Variants in SPINK5 observed in about 807,000 individuals in gnomAD.
SPINK5 encodes serine protease inhibitor Kazal-type 5.
A neutral mutation model predicts 151.8 loss-of-function variants in SPINK5; 125 were observed. The observed-to-expected ratio is 0.82, with a 90% CI of 0.71 to 0.96. The LOEUF (loss-of-function observed/expected upper bound fraction) is 0.96, where lower values mean the gene tolerates loss of function less well. Among genes scored for constraint, SPINK5 ranks in the 40% least tolerant of loss-of-function variants. The pLI, the probability that SPINK5 is intolerant of heterozygous loss-of-function variation, is 0.00. For synonymous variants in SPINK5, 374 were observed against 395.3 expected, an observed-to-expected ratio of 0.95 and a Z score of 0.64; for missense variants, 1,194 against 1,291.9, an observed-to-expected ratio of 0.92 and a Z score of 1.16.
chr5:148,099,878 T>C (rs563472098), intron 12 of SPINK5, among the ~76,000 whole-genome samples: 19 of 152,096 alleles, frequency 1.2e-4, no homozygotes, highest in Non-Finnish European at 2.2e-4. Flanking sequence ...ATAATATTGC[T>C]CTTAAAACCC....
intron 4 of SPINK5, among the ~76,000 whole-genome samples, chr5:148,073,433 G>A (rs1050565867): frequency 6.6e-6 from 1 of 151,848 alleles, no homozygotes; most frequent in African/African-American, 2.4e-5. Context: ...CTCTTTATCT[G>A]TAGCAAAAGA....
rs1706230033 is a variant in SPINK5 at position 148,095,919 on chromosome 5, T to G, written c.882+14T>G. ...AGAGAAATTGTGGTGAGAATCAGTT[T>G]GATCAATCTAGTTACAACTTGTGTG... On this transcript the variant is annotated intron_variant, in intron 10 of 32. Transcript: ENST00000256084. 3.1e-6 allele frequency: 5 copies of G among 1,602,076 alleles called. No individual in the cohort carries two copies. The South Asian group carries it at 5.5e-5, about 18-fold the overall frequency.
At chr5:148,116,307 C>CAGGG in intron 21 of SPINK5, 63 bp from the exon 22 acceptor site, 1 of 1,550,856 alleles carries the variant, frequency 6.4e-7, no homozygotes. Context: ...ATGAGAAACT[C>CAGGG]AAAGAAATGC....
At position 148,099,204 on chromosome 5, in the gene SPINK5, T is replaced by C. The variant is rs755083855; in HGVS notation, c.1011-30T>C. The stretch of plus-strand genomic sequence containing the variant: ...AATCATGGCATGTGTTTGTTCCTAA[T>C]GGATCTGCTTCTTTTTCCCTCTTAT... On this transcript the variant is annotated intron_variant, in intron 11 of 32. Transcript: ENST00000256084. The C allele has an allele frequency of 1.9e-6, 3 of 1,583,386 alleles. 1 individual carries two copies. The South Asian group carries it at 3.4e-5, about 18-fold the overall frequency.
At chr5:148,121,921 T>C (rs1358767048) in intron 26 of SPINK5, among the ~76,000 whole-genome samples, 1 of 151,704 alleles carries the variant, frequency 6.6e-6, no homozygotes, top group Non-Finnish European at 1.5e-5. Flanking sequence ...TGAGCTATGA[T>C]AGCATTATTG....
chr5:148,102,021 C>A, intron 15 of SPINK5, 113 bp downstream of exon 15: 1 of 1,475,232 alleles, frequency 6.8e-7, no homozygotes, highest in Non-Finnish European at 9.3e-7. Flanking sequence ...AGCATTCAGT[C>A]TTGGGTGTCA....
chr5:148,127,138 A>G, intron 30 of SPINK5, 59 bp downstream of exon 30: 1 of 1,452,822 alleles, frequency 6.9e-7, no homozygotes, highest in Non-Finnish European at 9.5e-7. Flanking sequence ...ATTTTTTTTG[A>G]CCTGTTGCTA....
At chr5:148,077,190 TA>T (rs11322859) in intron 4 of SPINK5, among the ~76,000 whole-genome samples, 104,699 of 142,266 alleles carry the variant, frequency 0.74, 38,756 homozygotes, top group East Asian at 0.91. Flanking sequence ...AATGTTGAAA[TA>T]AAAAAAAAAA....
chr5:148,076,618 T>C (rs942028653), intron 4 of SPINK5, among the ~76,000 whole-genome samples: 2 of 151,726 alleles, frequency 1.3e-5, no homozygotes, highest in Admixed American at 1.3e-4. Flanking sequence ...TGTCTTTAAC[T>C]GTGTACAGAT....
chr5:148,075,698 T>C (rs1752860417), intron 4 of SPINK5, among the ~76,000 whole-genome samples: 1 of 151,712 alleles, frequency 6.6e-6, no homozygotes. Context: ...TCTATACCAA[T>C]CTGAGAAGCA....
chr5:148,125,074 T>C, intron 28 of SPINK5: 1 of 517,314 alleles, frequency 1.9e-6, no homozygotes, highest in Non-Finnish European at 3.1e-6. Flanking sequence ...TTTTAGTCTT[T>C]CCTCCTTGGG....
intron 4 of SPINK5, 49 bp downstream of exon 4, chr5:148,072,269 T>C: frequency 6.4e-7 from 1 of 1,570,296 alleles, no homozygotes; most frequent in South Asian, 1.1e-5. Context: ...GATGTTTGAC[T>C]CTATTTAGAG....
chr5:148,067,430 A>C (rs1430108775), intron 2 of SPINK5, among the ~76,000 whole-genome samples: 1 of 152,176 alleles, frequency 6.6e-6, no homozygotes, highest in Non-Finnish European at 1.5e-5. Flanking sequence ...AAAGTCATCT[A>C]CTCAACTCAG....
intron 7 of SPINK5, chr5:148,090,901 A>G: frequency 4.4e-6 from 2 of 453,892 alleles, no homozygotes; most frequent in Admixed American, 3.7e-5. Context: ...TCAGTGAGTC[A>G]GTTTCACACC....
chr5:148,105,964 C>A (rs1753772638), intron 16 of SPINK5, among the ~76,000 whole-genome samples: 1 of 151,902 alleles, frequency 6.6e-6, no homozygotes, highest in South Asian at 2.1e-4. Context: ...ACAGTACAAA[C>A]CTCATCATTA....
chr5:148,099,225 C>T lies in SPINK5; in HGVS notation c.1011-9C>T. ...CTAATGGATCTGCTTCTTTTTCCCT[C>T]TTATTCAGCCAAGCAGAAAATGAAG... On this transcript the variant is annotated splice_polypyrimidine_tract_variant and intron_variant, in intron 11 of 32. Transcript: ENST00000256084. 1 of 1,605,272 alleles carries T rather than the reference C, an allele frequency of 6.2e-7. No homozygotes were observed. The highest frequency in any genetic ancestry group is 8.5e-7 in the Non-Finnish European group (1 of 1,175,124).
intron 22 of SPINK5, among the ~76,000 whole-genome samples, chr5:148,116,698 T>C (rs1754102314): frequency 6.6e-6 from 1 of 152,236 alleles, no homozygotes; most frequent in South Asian, 2.1e-4. Context: ...CTTATCCCAG[T>C]CTCCTGAGCC....
intron 8 of SPINK5, 117 bp from the exon 9 acceptor site, chr5:148,094,237 C>A (rs1753392603): frequency 1.7e-6 from 2 of 1,156,314 alleles, no homozygotes; most frequent in Non-Finnish European, 2.5e-6. Context: ...AGAGGCTTCA[C>A]TGAGCTATGA....
Position 148,114,490 on chromosome 5 carries a change from G to A in SPINK5, c.2015+1G>A. ...AGTGTGCCATGTGTAAGGCAGTCTT[G>A]TGAGTGCACAAAGAAAACCACTACT... On this transcript the variant is annotated splice_donor_variant, in intron 21 of 32. Transcript: ENST00000256084. LOFTEE classifies it high-confidence loss of function. 1 of 1,613,352 alleles carries A rather than the reference G, an allele frequency of 6.2e-7. No individual in the cohort carries two copies. The highest frequency in any genetic ancestry group is 8.5e-7 in the Non-Finnish European group (1 of 1,179,516).
Sources: gnomAD v4.1 joint callset for allele counts (sites outside exome capture counted in the v4.1 genomes callset) on GRCh38, gnomAD v4.1.1 for gene constraint, MANE v1.5 for transcripts, NCBI Gene and HGNC (gene_info 2026-07-23, HGNC 2026-07-21) for gene names.